UCHL1: variants seen among roughly 807,000 people sequenced by gnomAD.
UCHL1 encodes ubiquitin C-terminal hydrolase L1.
Under a neutral mutation model 33.3 loss-of-function variants are expected in UCHL1, and 5 were observed. That is an observed-to-expected ratio of 0.15 (90% CI 0.08 to 0.32). UCHL1 has a LOEUF of 0.32. Among genes scored for constraint, UCHL1 ranks in the 10% least tolerant of loss-of-function variants. UCHL1 has a pLI of 1.00. For missense variants in UCHL1, 236 were observed against 280.0 expected, an observed-to-expected ratio of 0.84 and a Z score of 1.12; for synonymous variants, 132 against 108.8, an observed-to-expected ratio of 1.21 and a Z score of -1.33.
chr4:41,266,047 G>A (rs1311387410), intron 8 of UCHL1, among the ~76,000 whole-genome samples: 1 of 152,082 alleles, frequency 6.6e-6, no homozygotes, highest in Non-Finnish European at 1.5e-5. Flanking sequence ...GGATACAAGT[G>A]TCACATGAGT....
At chr4:41,261,059 G>A (rs1186463347) in intron 4 of UCHL1, among the ~76,000 whole-genome samples, 4 of 152,136 alleles carry the variant, frequency 2.6e-5, no homozygotes, top group Non-Finnish European at 5.9e-5. Context: ...ATTGCTATAG[G>A]TTTGTAATTA....
Position 41,268,176 on chromosome 4 carries a change from C to A in UCHL1, c.*103C>A. ...ATGCTTCAGTACTTGTGAAACACAGCTGTTCTTCTGTTCTGCAGACACGCC... is the reference window on the plus strand; with the variant it reads ...ATGCTTCAGTACTTGTGAAACACAGATGTTCTTCTGTTCTGCAGACACGCC... On this transcript the variant is annotated 3_prime_UTR_variant, in exon 9 of 9. Transcript: ENST00000284440. The A allele has an allele frequency of 1.8e-6, 2 of 1,090,008 alleles. No individual in the cohort carries two copies. The highest frequency in any genetic ancestry group is 2.0e-5 in the Admixed American group (1 of 50,426). 67.5% of individuals were successfully genotyped at this position (1,090,008 alleles called of 1,614,324 possible).
chr4:41,257,212 A>T (rs1561079177), intron 2 of UCHL1, 86 bp downstream of exon 2: 10 of 1,602,672 alleles, frequency 6.2e-6, no homozygotes, highest in Non-Finnish European at 8.5e-6. Flanking sequence ...GCTGGCAGGG[A>T]CCAAGCCGCC....
At chr4:41,263,426 C>CA in intron 7 of UCHL1, 135 bp downstream of exon 7, 1 of 894,276 alleles carries the variant, frequency 1.1e-6, no homozygotes, top group East Asian at 2.5e-5. Context: ...AAAGTATTCT[C>CA]ATGAGGGCAC....
Position 41,268,233 on chromosome 4 carries a change from C to T in UCHL1, c.*160C>T. 1.4e-6 allele frequency: 1 copy of T among 705,492 alleles called. No individual in the cohort carries two copies. Among genetic ancestry groups the T allele is most frequent in the Non-Finnish European group, 2.5e-6 (1 of 400,500 alleles). 43.7% of individuals were successfully genotyped at this position (705,492 alleles called of 1,614,324 possible). A position where few individuals can be genotyped will look rare whatever the true frequency, so the allele number is the denominator to read the frequency against. ...TCAGCCACACCCAGGCACTTAAGCA[C>T]AAGCAGAGTGCACAGCTGTCCACTG... On this transcript the variant is annotated 3_prime_UTR_variant, in exon 9 of 9. Coordinates refer to ENST00000284440, the MANE Select transcript of UCHL1 (RefSeq NM_004181.5).
At chr4:41,257,485 A>T in intron 2 of UCHL1, 124 bp from the exon 3 acceptor site, 1 of 1,279,048 alleles carries the variant, frequency 7.8e-7, no homozygotes, top group Middle Eastern at 2.8e-4. Flanking sequence ...GCAGGGCGGG[A>T]CTGGGGCTCC....
intron 3 of UCHL1, 129 bp from the exon 4 acceptor site, chr4:41,260,518 A>G: frequency 3.4e-6 from 4 of 1,180,290 alleles, no homozygotes; most frequent in Non-Finnish European, 4.9e-6. Flanking sequence ...GGAGTCAGCC[A>G]ACATCTAGAA....
chr4:41,260,961 C>G (rs1372487795), intron 4 of UCHL1, among the ~76,000 whole-genome samples, 164 bp downstream of exon 4: 1 of 152,140 alleles, frequency 6.6e-6, no homozygotes, highest in Non-Finnish European at 1.5e-5. Flanking sequence ...AGAAAGGATT[C>G]CTAGCACTTC....
At position 41,268,039 on chromosome 4, in the gene UCHL1, G is replaced by A. The variant is rs1401460703; in HGVS notation, c.638G>A (p.Arg213His). Residue 213 changes from arginine (R) to histidine (H), a missense_variant, in exon 9 of 9, where the codon CGC becomes CAC. By Grantham distance (29) the Arg-to-His change is conservative (BLOSUM62 0). Transcript: ENST00000284440. ...ACCGAGCGTGAGCAAGGAGAAGTCC[G>A]CTTCTCTGCCGTGGCTCTCTGCAAG... Reference protein sequence around the residue: ...EFTEREQGEVRFSAVALCKAA With the variant: ...EFTEREQGEVHFSAVALCKAA 3.7e-6 allele frequency: 6 copies of A among 1,613,594 alleles called. No homozygotes were observed. The highest frequency in any genetic ancestry group is 4.2e-6 in the Non-Finnish European group (5 of 1,179,836).
At chr4:41,267,660 A>G (rs750609256) in intron 8 of UCHL1, among the ~76,000 whole-genome samples, 18 of 152,208 alleles carry the variant, frequency 1.2e-4, no homozygotes, top group Admixed American at 6.5e-5. Flanking sequence ...TCAATTTCCA[A>G]TCTTTAGATT....
intron 8 of UCHL1, among the ~76,000 whole-genome samples, chr4:41,265,177 A>G (rs1781132228): frequency 6.6e-6 from 1 of 152,110 alleles, no homozygotes; most frequent in African/African-American, 2.4e-5. Flanking sequence ...TTTTATAGAA[A>G]TCCTTTAATG....
chr4:41,264,224 C>A (rs944735116), intron 8 of UCHL1, 63 bp downstream of exon 8: 3 of 1,599,100 alleles, frequency 1.9e-6, no homozygotes, highest in African/African-American at 2.7e-5. Context: ...ATTTTCTATT[C>A]TAAAGTGCTA....
intron 2 of UCHL1, 89 bp downstream of exon 2, chr4:41,257,215 A>G: frequency 6.3e-7 from 1 of 1,599,296 alleles, no homozygotes; most frequent in South Asian, 1.1e-5. Context: ...GGCAGGGACC[A>G]AGCCGCCCGC....
chr4:41,266,566 A>G (rs1781157676), intron 8 of UCHL1, among the ~76,000 whole-genome samples: 1 of 152,172 alleles, frequency 6.6e-6, no homozygotes, highest in African/African-American at 2.4e-5. Flanking sequence ...GGTCTGGAAT[A>G]CTGATATATT....
At chr4:41,262,023 C>A in intron 6 of UCHL1, 100 bp downstream of exon 6, 1 of 1,491,272 alleles carries the variant, frequency 6.7e-7, no homozygotes. Context: ...CAAATGTTAT[C>A]CACCCAAGGC....
chr4:41,266,119 A>C (rs931524487), intron 8 of UCHL1, among the ~76,000 whole-genome samples: 3 of 151,892 alleles, frequency 2.0e-5, no homozygotes, highest in African/African-American at 7.3e-5. Flanking sequence ...GGAGGGACTC[A>C]CTATGTTGCC....
intron 8 of UCHL1, among the ~76,000 whole-genome samples, chr4:41,265,591 A>G (rs1041847435): frequency 5.3e-5 from 8 of 151,380 alleles, no homozygotes; most frequent in Non-Finnish European, 7.4e-5. Flanking sequence ...AAGAAAAAAA[A>G]GAAAAGTTAG....
chr4:41,261,752 A>G lies in UCHL1; in HGVS notation c.363A>G (p.Thr121=). ...TTCTGAAACAGTTTCTTTCTGAAAC[A>G]GAGAAAATGTCCCCTGAAGACAGAG... ...GSVLKQFLSE[T]EKMSPEDRAK... Residue 121 remains threonine (T), a synonymous_variant, in exon 5 of 9, where the codon ACA becomes ACG. Transcript: ENST00000284440. 4 of 1,613,736 alleles carry G rather than the reference A, an allele frequency of 2.5e-6. No homozygotes were observed. Among genetic ancestry groups the G allele is most frequent in the Non-Finnish European group, 2.5e-6 (3 of 1,180,034 alleles).
Position 41,261,888 on chromosome 4 carries a change from G to A in UCHL1, c.424G>A (p.Ala142Thr), listed in dbSNP as rs1191934567. 6.2e-7 allele frequency: 1 copy of A among 1,614,150 alleles called. No homozygotes were observed. The highest frequency in any genetic ancestry group is 1.1e-5 in the South Asian group (1 of 91,080). ...CTTTTTTCCGCAGGCCATACAGGCA[G>A]CCCATGATGCCGTGGCACAGGAAGG... ...CFEKNEAIQA[A>T]HDAVAQEGQC... The change falls in exon 6 of 9, where the codon GCC becomes ACC. Residue 142 changes from alanine to threonine, a missense_variant. Ala to Thr is a moderately conservative substitution (Grantham distance 58). Coordinates refer to ENST00000284440, the MANE Select transcript of UCHL1 (RefSeq NM_004181.5).
Sources: allele counts gnomAD v4.1 joint callset (sites outside exome capture counted in the v4.1 genomes callset), GRCh38; gene constraint gnomAD v4.1.1; transcripts MANE v1.5; gene names NCBI Gene and HGNC (gene_info 2026-07-23, HGNC 2026-07-21).